Variants in PRRC2C observed in about 807,000 individuals in gnomAD.
PRRC2C encodes the protein protein PRRC2C.
Under a neutral mutation model 317.2 loss-of-function variants are expected in PRRC2C, and 72 were observed. The ratio of observed to expected loss-of-function variants is 0.23; its 90% CI spans 0.19 to 0.28. The LOEUF (loss-of-function observed/expected upper bound fraction) is 0.28, where lower values mean the gene tolerates loss of function less well. Ranked by LOEUF, PRRC2C falls within the 10% of genes least tolerant of loss-of-function variation. PRRC2C has a pLI of 1.00. For missense variants in PRRC2C, 3,074 were observed against 3,459.7 expected, an observed-to-expected ratio of 0.89 and a Z score of 2.80; for synonymous variants, 1,296 against 1,205.9, an observed-to-expected ratio of 1.07 and a Z score of -1.55.
At chr1:171,575,186 A>C in intron 25 of PRRC2C, 58 bp downstream of exon 25, 2 of 1,436,628 alleles carry the variant, frequency 1.4e-6, no homozygotes, top group Admixed American at 4.1e-5. Context: ...ATTTTTTATG[A>C]TCTCTTCTTG....
At chr1:171,572,187 GC>G (rs1318894241) in intron 24 of PRRC2C, among the ~76,000 whole-genome samples, 1 of 151,968 alleles carries the variant, frequency 6.6e-6, no homozygotes, top group Non-Finnish European at 1.5e-5. Context: ...ATGGGGTTTT[GC>G]CATGTTGCCC....
At position 171,557,373 on chromosome 1, in the gene PRRC2C, C is replaced by T; in HGVS notation, c.5261C>T (p.Ala1754Val). 6.4e-7 allele frequency: 1 copy of T among 1,551,806 alleles called. No individual in the cohort carries two copies. The highest frequency in any genetic ancestry group is 1.2e-5 in the South Asian group (1 of 84,068). Residue 1754 changes from alanine (A) to valine (V), a missense_variant, in exon 19 of 35, where the codon GCT becomes GTT. This residue lies in a region of PRRC2C where 640 missense variants were observed against 676.1 expected (regional missense o/e 0.95). Coordinates refer to ENST00000647382, the MANE Select transcript of PRRC2C (RefSeq NM_001387844.1). ...SSASVPPLAS[A>V]PLPPSTSASV... is the part of the protein sequence containing the mutation. ...GCCTCAGTTCCACCTCTAGCTTCGG[C>T]TCCACTTCCACCTTCAACCTCAGCT...
Position 171,540,199 on chromosome 1 carries a change from G to C in PRRC2C, c.2733G>C (p.Glu911Asp), listed in dbSNP as rs758304445. ...AAAAGACCTTATCCGCTCCTCAAGA[G>C]GAGCGGATTTCAGCTGTAGAAAGTC... ...PDQKTLSAPQ[E>D]ERISAVESQP... Residue 911 changes from glutamate (E) to aspartate (D), a missense_variant, in exon 16 of 35, where the codon GAG (glutamate) becomes GAC (aspartate). Glu to Asp is a conservative substitution (Grantham distance 45). Coordinates refer to ENST00000647382, the MANE Select transcript of PRRC2C (RefSeq NM_001387844.1). The C allele has an allele frequency of 6.2e-7, 1 of 1,613,910 alleles. No individual in the cohort carries two copies. Among genetic ancestry groups the C allele is most frequent in the East Asian group, 2.2e-5 (1 of 44,860 alleles).
At chr1:171,519,435 T>C (rs77427291) in intron 6 of PRRC2C, among the ~76,000 whole-genome samples, 1 of 152,334 alleles carries the variant, frequency 6.6e-6, no homozygotes, top group Non-Finnish European at 1.5e-5. Context: ...TACCTATAGA[T>C]ATTTCTATCT....
chr1:171,509,218 T>A (rs1242728902), intron 1 of PRRC2C, among the ~76,000 whole-genome samples: 3 of 152,188 alleles, frequency 2.0e-5, no homozygotes, highest in Non-Finnish European at 4.4e-5. Context: ...TTTTCTCTTA[T>A]GCTGGACAGA....
chr1:171,532,643 A>G lies in PRRC2C; in HGVS notation c.1555A>G (p.Lys519Glu), dbSNP rs1676087286. 3 of 1,551,730 alleles carry G rather than the reference A, an allele frequency of 1.9e-6. No homozygotes were observed. Among genetic ancestry groups the G allele is most frequent in the Admixed American group, 3.9e-5 (2 of 50,958 alleles). Residue 519 changes from lysine to glutamate, a missense_variant, in exon 12 of 35, where the codon AAA becomes GAA. Lys to Glu is a moderately conservative substitution (Grantham distance 56, BLOSUM62 1). Around this residue, in one of 11 missense-constraint regions of PRRC2C, gnomAD observed 1,320 missense variants for 1,395.7 expected, o/e 0.95. Coordinates refer to ENST00000647382, the MANE Select transcript of PRRC2C (RefSeq NM_001387844.1). ...REREKEREREKELEKEQEQER... is the reference protein window; with the variant it reads ...REREKEREREEELEKEQEQER... ...GCGAGAAAAAGAACGGGAGCGTGAG[A>G]AAGAACTTGAAAAAGAACAAGAACA...
intron 11 of PRRC2C, among the ~76,000 whole-genome samples, chr1:171,530,246 T>TC (rs1675538290): frequency 7.9e-6 from 1 of 126,178 alleles, no homozygotes; most frequent in African/African-American, 3.0e-5. Context: ...AGCTGGGCTT[T>TC]TTTTTTTTTT....
chr1:171,530,532 CA>C (rs1322813773), intron 11 of PRRC2C, among the ~76,000 whole-genome samples: 1 of 151,998 alleles, frequency 6.6e-6, no homozygotes, highest in Non-Finnish European at 1.5e-5. Context: ...AGATGTGAGC[CA>C]CCGTGTCTAG....
At chr1:171,579,287 A>G (rs767210383) in intron 26 of PRRC2C, 67 bp from the exon 27 acceptor site, 16 of 1,516,172 alleles carry the variant, frequency 1.1e-5, no homozygotes, top group Admixed American at 6.4e-5. Flanking sequence ...CTTGGTTTTT[A>G]TTTACTGTTT....
chr1:171,514,415 A>C, intron 3 of PRRC2C, 121 bp from the exon 4 acceptor site: 1 of 697,606 alleles, frequency 1.4e-6, no homozygotes, highest in African/African-American at 1.8e-5. Flanking sequence ...CATTTATTGG[A>C]GATTTACCAA....
intron 4 of PRRC2C, among the ~76,000 whole-genome samples, chr1:171,515,189 A>G (rs1170678121): frequency 2.0e-5 from 3 of 152,264 alleles, no homozygotes; most frequent in African/African-American, 7.2e-5. Flanking sequence ...TGGGCCCTCA[A>G]GCTAACAAAA....
chr1:171,587,298 AAAAAACT>A (rs1650263972), intron 31 of PRRC2C, 77 bp downstream of exon 31: 1 of 1,319,112 alleles, frequency 7.6e-7, no homozygotes, highest in Non-Finnish European at 1.0e-6. Flanking sequence ...TGTGTTATCT[AAAAAACT>A]AAAATGCGTC....
intron 23 of PRRC2C, 85 bp downstream of exon 23, chr1:171,568,424 G>A (rs1684085537): frequency 4.7e-6 from 7 of 1,483,854 alleles, no homozygotes; most frequent in Non-Finnish European, 6.3e-6. Flanking sequence ...TTTATTTACT[G>A]TAGTGATCAA....
intron 28 of PRRC2C, among the ~76,000 whole-genome samples, chr1:171,580,534 A>C: frequency 6.6e-6 from 1 of 152,270 alleles, no homozygotes; most frequent in Non-Finnish European, 1.5e-5. Context: ...TATATATGAT[A>C]GATATTCAGC....
At chr1:171,493,617 TGA>T (rs1158346598) in intron 1 of PRRC2C, among the ~76,000 whole-genome samples, 1 of 152,172 alleles carries the variant, frequency 6.6e-6, no homozygotes, top group Non-Finnish European at 1.5e-5. Context: ...GTCAGGAATT[TGA>T]CACCAGCCTG....
intron 1 of PRRC2C, among the ~76,000 whole-genome samples, chr1:171,501,707 T>A (rs941155682): frequency 6.6e-6 from 1 of 152,210 alleles, no homozygotes; most frequent in African/African-American, 2.4e-5. Flanking sequence ...AAAATTGATA[T>A]AGGTAGAGGG....
rs1672630673 is a variant in PRRC2C, at chr1:171,517,682, A to AATGTATTTT, written c.618_619insATGTATTTT (p.Thr206_Ala207insMetTyrPhe). The AATGTATTTT allele has an allele frequency of 6.2e-7, 1 of 1,613,698 alleles. No individual in the cohort carries two copies. Among genetic ancestry groups the AATGTATTTT allele is most frequent in the Non-Finnish European group, 8.5e-7 (1 of 1,179,834 alleles). The stretch of plus-strand genomic sequence containing the variant: ...AGCTCCCTGGCCAGGATGAAAGCAC[A>AATGTATTTT]GCTGGAACATCAGAGCAAAATGATA... On this transcript the variant is annotated inframe_insertion, in exon 6 of 35. Transcript: ENST00000647382.
chr1:171,577,531 A>G lies in PRRC2C; in HGVS notation c.7053A>G (p.Thr2351=). ...AAGTGAAACCTCAGCAGTTACAGAC[A>G]AGCAGCCTGCCTTCTGCAAGTCATT... ...ICKVKPQQLQ[T]SSLPSASHFS... Residue 2351 remains threonine (T), a synonymous_variant, in exon 26 of 35, where the codon ACA becomes ACG. Transcript: ENST00000647382. The G allele has an allele frequency of 6.2e-7, 1 of 1,613,194 alleles. No homozygotes were observed. The highest frequency in any genetic ancestry group is 8.5e-7 in the Non-Finnish European group (1 of 1,179,162).
chr1:171,536,360 T>TA, intron 14 of PRRC2C, 82 bp downstream of exon 14: 1 of 1,452,898 alleles, frequency 6.9e-7, no homozygotes, highest in East Asian at 2.5e-5. Flanking sequence ...TTGAGAGTTG[T>TA]AATCTAGGAA....
Sources: allele counts gnomAD v4.1 joint callset (sites outside exome capture counted in the v4.1 genomes callset), GRCh38; gene constraint gnomAD v4.1.1; regional missense constraint gnomAD v4.1.1; transcripts MANE v1.5; gene names NCBI Gene and HGNC (gene_info 2026-07-23, HGNC 2026-07-21).